The following HAT1 variants were observed in gnomAD, a reference collection of about 807,000 sequenced individuals.
HAT1 encodes histone acetyltransferase 1.
HAT1 carries 20 observed loss-of-function variants against 56.6 expected under a neutral mutation model. The observed-to-expected ratio is 0.35, with a 90% CI of 0.25 to 0.51. HAT1 has a LOEUF of 0.51. Ranked by LOEUF, HAT1 falls within the 20% of genes least tolerant of loss-of-function variation. HAT1 has a pLI of 0.95. For missense variants in HAT1, 408 were observed against 504.3 expected (o/e 0.81, Z 1.83); for synonymous variants, 146 against 165.5 (o/e 0.88, Z 0.91).
At chr2:171,926,956 C>T (rs1686614965) in intron 2 of HAT1, among the ~76,000 whole-genome samples, 1 of 152,188 alleles carries the variant, frequency 6.6e-6, no homozygotes, top group Non-Finnish European at 1.5e-5. Context: ...CCACGGAATA[C>T]TATTTGACAA....
At chr2:171,960,830 A>G (rs1397589515) in intron 4 of HAT1, among the ~76,000 whole-genome samples, 1 of 151,838 alleles carries the variant, frequency 6.6e-6, no homozygotes, top group Non-Finnish European at 1.5e-5. Context: ...TTGGTAACAT[A>G]ATAAGACCCT....
intron 3 of HAT1, among the ~76,000 whole-genome samples, chr2:171,950,651 G>A (rs949699336): frequency 6.6e-6 from 1 of 151,750 alleles, no homozygotes; most frequent in East Asian, 1.9e-4. Flanking sequence ...CTATAGACAC[G>A]TGCTATCCCA....
At chr2:171,934,376 A>T (rs1340671303) in intron 2 of HAT1, among the ~76,000 whole-genome samples, 1 of 152,214 alleles carries the variant, frequency 6.6e-6, no homozygotes, top group African/African-American at 2.4e-5. Flanking sequence ...CAGTGGAAGG[A>T]TTAGCCTTAG....
intron 2 of HAT1, among the ~76,000 whole-genome samples, chr2:171,937,235 A>G (rs1686893310): frequency 6.6e-6 from 1 of 152,152 alleles, no homozygotes; most frequent in Admixed American, 6.6e-5. Flanking sequence ...TGCCTTGGTG[A>G]TTTCTTAATT....
chr2:171,963,215 A>G (rs1687613510), intron 4 of HAT1, among the ~76,000 whole-genome samples: 1 of 149,714 alleles, frequency 6.7e-6, no homozygotes, highest in South Asian at 2.1e-4. Context: ...ATAACTATTT[A>G]TAAATATATA....
intron 8 of HAT1, among the ~76,000 whole-genome samples, chr2:171,973,070 T>C (rs1687859492): frequency 6.6e-6 from 1 of 152,202 alleles, no homozygotes; most frequent in African/African-American, 2.4e-5. Context: ...AGGCAATCTC[T>C]TGCCTGATGC....
intron 3 of HAT1, among the ~76,000 whole-genome samples, chr2:171,950,183 T>C (rs561462993): frequency 1.1e-4 from 16 of 152,304 alleles, no homozygotes; most frequent in African/African-American, 3.8e-4. Flanking sequence ...TTTGTTTGTT[T>C]TTTGAGACGG....
chr2:171,936,397 T>A (rs533823630), intron 2 of HAT1, among the ~76,000 whole-genome samples: 1 of 152,246 alleles, frequency 6.6e-6, no homozygotes. Flanking sequence ...GCCAAAGAAC[T>A]GTTAGCGCAA....
chr2:171,962,768 T>G (rs1195812606), intron 4 of HAT1, among the ~76,000 whole-genome samples: 1 of 152,204 alleles, frequency 6.6e-6, no homozygotes, highest in Admixed American at 6.6e-5. Flanking sequence ...TTACCCTTTC[T>G]ATATTTCTGT....
At chr2:171,957,285 C>A (rs1208470048) in intron 4 of HAT1, among the ~76,000 whole-genome samples, 1 of 152,154 alleles carries the variant, frequency 6.6e-6, no homozygotes, top group Non-Finnish European at 1.5e-5. Context: ...GAGCTGCAGG[C>A]CACAGTTATT....
At chr2:171,949,802 T>TA (rs898848088) in intron 3 of HAT1, among the ~76,000 whole-genome samples, 1 of 152,116 alleles carries the variant, frequency 6.6e-6, no homozygotes, top group African/African-American at 2.4e-5. Context: ...CGCACCTGGC[T>TA]AAGGAGTCTT....
chr2:171,974,193 G>C (rs1227506752), intron 8 of HAT1, among the ~76,000 whole-genome samples: 2 of 92,790 alleles, frequency 2.2e-5, no homozygotes, highest in Non-Finnish European at 4.0e-5. Flanking sequence ...AAAAAAAAAA[G>C]AAAAAAAGAA....
intron 2 of HAT1, among the ~76,000 whole-genome samples, chr2:171,935,224 A>G (rs1209125884): frequency 6.6e-6 from 1 of 151,712 alleles, no homozygotes; most frequent in Non-Finnish European, 1.5e-5. Flanking sequence ...GTTCAAATCA[A>G]TTCATTGTGG....
At chr2:171,977,550 TA>T (rs2105346886) in intron 9 of HAT1, among the ~76,000 whole-genome samples, 3 of 17,772 alleles carry the variant, frequency 1.7e-4, no homozygotes, top group East Asian at 1.3e-3. Flanking sequence ...TATATATATA[TA>T]TATATATTTT....
intron 4 of HAT1, among the ~76,000 whole-genome samples, chr2:171,958,138 G>C (rs992941212): frequency 1.3e-4 from 19 of 151,960 alleles, no homozygotes; most frequent in African/African-American, 3.6e-4. Flanking sequence ...AATTTTGAGG[G>C]ATTTGTTATA....
At chr2:171,943,006 A>G (rs1231723976) in intron 2 of HAT1, among the ~76,000 whole-genome samples, 1 of 152,070 alleles carries the variant, frequency 6.6e-6, no homozygotes, top group Non-Finnish European at 1.5e-5. Flanking sequence ...AGATTTTCCA[A>G]ACATTTTCAA....
intron 4 of HAT1, among the ~76,000 whole-genome samples, chr2:171,957,277 G>A (rs1438694310): frequency 6.6e-6 from 1 of 152,206 alleles, no homozygotes; most frequent in East Asian, 1.9e-4. Flanking sequence ...AGAGGGTGGA[G>A]CTGCAGGCCA....
At chr2:171,968,210 A>G (rs1687727843) in intron 8 of HAT1, among the ~76,000 whole-genome samples, 1 of 152,146 alleles carries the variant, frequency 6.6e-6, no homozygotes, top group South Asian at 2.1e-4. Context: ...AAATTGTTTA[A>G]GCGACAACTT....
intron 4 of HAT1, among the ~76,000 whole-genome samples, chr2:171,956,488 A>T (rs1687452913): frequency 6.6e-6 from 1 of 151,736 alleles, no homozygotes; most frequent in South Asian, 2.1e-4. Flanking sequence ...CTCCAGCCTG[A>T]GTGACAGAGC....
Sources: allele counts gnomAD v4.1 joint callset (sites outside exome capture counted in the v4.1 genomes callset), GRCh38; gene constraint gnomAD v4.1.1; transcripts MANE v1.5; gene names NCBI Gene and HGNC (gene_info 2026-07-23, HGNC 2026-07-21).